Variants in CCDC77 observed in about 807,000 individuals in gnomAD.
CCDC77 encodes coiled-coil domain containing 77.
In CCDC77, 56 loss-of-function variants were observed where a neutral mutation model predicts 66.8. The ratio of observed to expected loss-of-function variants is 0.84; its 90% CI spans 0.68 to 1.05. CCDC77 has a LOEUF of 1.05. Among genes scored for constraint, CCDC77 ranks in the 50% least tolerant of loss-of-function variants. CCDC77 has a pLI of 0.00. For synonymous variants in CCDC77, 196 were observed against 195.2 expected, an observed-to-expected ratio of 1.00 and a Z score of -0.03; for missense variants, 570 against 576.8, an observed-to-expected ratio of 0.99 and a Z score of 0.12.
At chr12:408,018 A>T (rs967429426) in intron 2 of CCDC77, among the ~76,000 whole-genome samples, 1 of 151,902 alleles carries the variant, frequency 6.6e-6, no homozygotes, top group Non-Finnish European at 1.5e-5. Flanking sequence ...CAATCTCCTG[A>T]CCTTGTGATA....
In CCDC77 at chr12:412,126, C is replaced by T. The variant is rs1359642716; in HGVS notation, c.270+148C>T. 13 of 653,200 alleles carry T rather than the reference C, an allele frequency of 2.0e-5. No homozygotes were observed. In the Admixed American group the frequency reaches 3.0e-4, roughly 15 times the overall value. 40.5% of individuals were successfully genotyped at this position (653,200 alleles called of 1,614,324 possible). On this transcript the variant is annotated intron_variant, in intron 4 of 12. Transcript: ENST00000239830. The stretch of plus-strand genomic sequence containing the variant: ...AGCCCAGCTATTGCCCCTTCAGGCC[C>T]TCCTTGGATCATAACCCCCAAAACT...
chr12:416,373 GTGTGTATATATATATATATATA>G (rs1945274442), intron 4 of CCDC77, among the ~76,000 whole-genome samples: 2 of 25,294 alleles, frequency 7.9e-5, no homozygotes, highest in Non-Finnish European at 1.5e-4. Context: ...GTGTGTGTGT[GTGTGTATATATATATATATATA>G]TATATATATA....
chr12:409,483 G>A, intron 3 of CCDC77, 62 bp downstream of exon 3: 1 of 1,423,206 alleles, frequency 7.0e-7, no homozygotes, highest in Non-Finnish European at 9.9e-7. Flanking sequence ...CTTAGTCTAA[G>A]CATAGGAACT....
upstream of CCDC77, among the ~76,000 whole-genome samples, chr12:400,472 C>T (rs1210927275): frequency 2.0e-5 from 3 of 152,178 alleles, no homozygotes; most frequent in Admixed American, 1.3e-4. Context: ...TCATTTTCAG[C>T]TTTTTATTTA....
At chr12:416,356 T>C (rs1473325390) in intron 4 of CCDC77, among the ~76,000 whole-genome samples, 3 of 34,702 alleles carry the variant, frequency 8.6e-5, no homozygotes, top group African/African-American at 3.5e-4. Flanking sequence ...TGTGTGTGTG[T>C]GTGTGTGTGT....
At chr12:413,681 G>A (rs138303746) in intron 4 of CCDC77, among the ~76,000 whole-genome samples, 1,585 of 146,216 alleles carry the variant, frequency 0.011, 57 homozygotes, top group African/African-American at 0.038. Context: ...AGGCTGGAGT[G>A]CAGTGACGCA....
At chr12:396,170 T>C (rs1052890918) in intron 1 of CCDC77, among the ~76,000 whole-genome samples, 10 of 152,182 alleles carry the variant, frequency 6.6e-5, no homozygotes, top group African/African-American at 2.4e-4. Context: ...GGCGGGCAGA[T>C]CACCTGAGGT....
chr12:412,444 G>C (rs374660366), intron 4 of CCDC77, among the ~76,000 whole-genome samples: 1 of 152,200 alleles, frequency 6.6e-6, no homozygotes, highest in African/African-American at 2.4e-5. Flanking sequence ...TCTCTGCCAC[G>C]TGTTCTCCTA....
chr12:391,626 G>A lies in CCDC77; in HGVS notation c.-113+2140G>A, dbSNP rs140935043. On this transcript the variant is annotated intron_variant, in intron 1 of 11. Coordinates refer to the CCDC77 transcript ENST00000422000. Reference sequence around the variant, plus strand: ...GGTTTTGCTTTCAAATTAACAGAGCGTGAGAACCTGATAGAACCTCAGTAT... The same window carrying A: ...GGTTTTGCTTTCAAATTAACAGAGCATGAGAACCTGATAGAACCTCAGTAT... Among the ~76,000 whole-genome samples, 499 of 152,256 alleles carry A rather than the reference G, an allele frequency of 3.3e-3. 3 individuals carry two copies. The highest frequency in any genetic ancestry group is 0.011 in the African/African-American group (463 of 41,564).
At chr12:415,255 TATTTATTAAC>T (rs1945202556) in intron 4 of CCDC77, among the ~76,000 whole-genome samples, 5 of 147,748 alleles carry the variant, frequency 3.4e-5, no homozygotes, top group African/African-American at 1.3e-4. Flanking sequence ...CAGTTGTTAA[TATTTATTAAC>T]ATAATTATTA....
chr12:416,063 C>T (rs1054823353), intron 4 of CCDC77, among the ~76,000 whole-genome samples: 1 of 151,668 alleles, frequency 6.6e-6, no homozygotes, highest in Non-Finnish European at 1.5e-5. Flanking sequence ...GGCTCGGCCT[C>T]CCAAGGTGCT....
intron 5 of CCDC77, among the ~76,000 whole-genome samples, chr12:423,191 C>G (rs4980902): frequency 0.37 from 47,713 of 130,286 alleles, 9,079 homozygotes; most frequent in East Asian, 0.66. Flanking sequence ...CATGATCTTG[C>G]CTCACTGCAG....
intron 5 of CCDC77, 128 bp from the exon 6 acceptor site, chr12:428,641 A>T: frequency 2.1e-6 from 1 of 469,684 alleles, no homozygotes. Context: ...TTTTAATTTG[A>T]GGTTACTGTT....
chr12:406,425 GC>G (rs1370525672), intron 2 of CCDC77, among the ~76,000 whole-genome samples: 1 of 152,220 alleles, frequency 6.6e-6, no homozygotes, highest in Admixed American at 6.5e-5. Flanking sequence ...TTGAAGAACA[GC>G]CAAGAGGCCG....
intron 1 of CCDC77, among the ~76,000 whole-genome samples, chr12:393,697 A>G (rs1159017120): frequency 6.6e-6 from 1 of 152,022 alleles, no homozygotes; most frequent in African/African-American, 2.4e-5. Flanking sequence ...ACACTCAGCT[A>G]ATTTTTGTAT....
intron 5 of CCDC77, among the ~76,000 whole-genome samples, chr12:425,818 C>T (rs1191121290): frequency 6.6e-6 from 1 of 152,128 alleles, no homozygotes; most frequent in Non-Finnish European, 1.5e-5. Flanking sequence ...GAGCTACTGG[C>T]CATCTGTGGA....
At chr12:436,336 C>T (rs1218739313) in intron 9 of CCDC77, among the ~76,000 whole-genome samples, 1 of 151,668 alleles carries the variant, frequency 6.6e-6, no homozygotes, top group East Asian at 1.9e-4. Flanking sequence ...ACCGTGTTAG[C>T]CAGGATGGTC....
At chr12:393,024 C>T (rs200807215) in intron 1 of CCDC77, among the ~76,000 whole-genome samples, 2 of 120,456 alleles carry the variant, frequency 1.7e-5, no homozygotes, top group African/African-American at 6.0e-5. Flanking sequence ...GTTTCTCCAA[C>T]CCGTTACAAT....
Position 409,367 on chromosome 12 carries a change from G to A in CCDC77, c.-16-1G>A, listed in dbSNP as rs1437255535. 1 of 1,609,466 alleles carries A rather than the reference G, an allele frequency of 6.2e-7. No individual in the cohort carries two copies. Among genetic ancestry groups the A allele is most frequent in the East Asian group, 2.2e-5 (1 of 44,834 alleles). On this transcript the variant is annotated splice_acceptor_variant, in intron 2 of 12. Transcript: ENST00000239830. LOFTEE classifies it low-confidence loss of function (5UTR_SPLICE). The stretch of plus-strand genomic sequence containing the variant: ...ATTATGAATTTTTGTGTATTTGATA[G>A]GTGTGAAAAAGACAGCATGAACTTT...
Sources: gnomAD v4.1 joint callset for allele counts (sites outside exome capture counted in the v4.1 genomes callset) on GRCh38, gnomAD v4.1.1 for gene constraint, MANE v1.5 for transcripts, NCBI Gene and HGNC (gene_info 2026-07-23, HGNC 2026-07-21) for gene names.